Variants in KIF13B observed in about 807,000 individuals in gnomAD.
KIF13B encodes the protein kinesin-like protein KIF13B.
KIF13B carries 127 observed loss-of-function variants against 222.0 expected under a neutral mutation model. The observed-to-expected ratio is 0.57, with a 90% CI of 0.50 to 0.66. KIF13B has a LOEUF of 0.66. Ranked by LOEUF, KIF13B falls within the 30% of genes least tolerant of loss-of-function variation. KIF13B has a pLI of 0.00. For missense variants in KIF13B, 2,173 were observed against 2,379.0 expected, an observed-to-expected ratio of 0.91 and a Z score of 1.80; for synonymous variants, 976 against 919.0, an observed-to-expected ratio of 1.06 and a Z score of -1.12.
At position 29,071,567 on chromosome 8, in the gene KIF13B, T is replaced by C; in HGVS notation, c.5218+53A>G. The C allele has an allele frequency of 6.7e-7, 1 of 1,484,188 alleles. No individual in the cohort carries two copies. Among genetic ancestry groups the C allele is most frequent in the Non-Finnish European group, 9.1e-7 (1 of 1,096,876 alleles). The allele number at this position is 1,484,188 out of a possible 1,614,324, so 91.9% of individuals were successfully genotyped here. A position where few individuals can be genotyped will look rare whatever the true frequency, so the allele number is the denominator to read the frequency against. On this transcript the variant is annotated intron_variant, in intron 39 of 39. Transcript: ENST00000524189. This position sits in a 1 kb window ranked among gnomAD's most constrained non-coding sequence, Gnocchi z 4.9. ...TCCCCTCCCAGGCCGGCCACGTTCC[T>C]GCTTCCCCAGACCCCCGGCACCACC... is the stretch of plus-strand genomic sequence containing the variant.
intron 36 of KIF13B, among the ~76,000 whole-genome samples, chr8:29,098,332 G>A (rs1271305654): frequency 6.6e-6 from 1 of 150,784 alleles, no homozygotes; most frequent in Non-Finnish European, 1.5e-5. Context: ...GCCGGGTGCA[G>A]TAGCTCACGC....
intron 6 of KIF13B, among the ~76,000 whole-genome samples, chr8:29,182,515 G>A (rs960130036): frequency 5.9e-5 from 9 of 152,048 alleles, no homozygotes; most frequent in South Asian, 4.2e-4. Flanking sequence ...CTAAGGGGGC[G>A]GAGGAGGGAA....
At chr8:29,084,419 CT>C (rs1475148649) in intron 37 of KIF13B, among the ~76,000 whole-genome samples, 1 of 152,094 alleles carries the variant, frequency 6.6e-6, no homozygotes, top group Non-Finnish European at 1.5e-5. Flanking sequence ...ATACAGACAC[CT>C]TTTCAATTAG....
intron 37 of KIF13B, among the ~76,000 whole-genome samples, chr8:29,090,196 C>T (rs996925869): frequency 6.6e-6 from 1 of 152,132 alleles, no homozygotes; most frequent in Non-Finnish European, 1.5e-5. Context: ...CACTGCAGGG[C>T]ACTGTGAGCC....
chr8:29,081,184 C>G (rs145331882), intron 37 of KIF13B, among the ~76,000 whole-genome samples: 1 of 152,314 alleles, frequency 6.6e-6, no homozygotes, highest in East Asian at 1.9e-4. Context: ...AAATCTCTTA[C>G]AGTCACACGT....
intron 2 of KIF13B, among the ~76,000 whole-genome samples, chr8:29,200,182 AC>A (rs1813631072): frequency 1.3e-5 from 2 of 152,290 alleles, no homozygotes; most frequent in Admixed American, 1.3e-4. Context: ...AGCTCAAATA[AC>A]CTGCAAAGGC....
rs775323342 is a variant in KIF13B at position 29,157,725 on chromosome 8, T to A, written c.1405-1869A>T. Among the ~76,000 whole-genome samples, 5 of 141,764 alleles carry A rather than the reference T, an allele frequency of 3.5e-5. No individual in the cohort carries two copies. In the Admixed American group the frequency reaches 3.7e-4, roughly 10 times the overall value. The allele number at this position is 141,764 out of a possible 152,430, so 93.0% of individuals were successfully genotyped here. A position where few individuals can be genotyped will look rare whatever the true frequency, so the allele number is the denominator to read the frequency against. ...GTCTCAATAAATAAATAAATAAATA[T>A]AAAAATGAGGCAGGAAGATTACTTG... On this transcript the variant is annotated intron_variant, in intron 13 of 39. Transcript: ENST00000524189.
In KIF13B at chr8:29,164,740, G is replaced by C. The variant is rs1380229995; in HGVS notation, c.1269+922C>G. Among the ~76,000 whole-genome samples the C allele has an allele frequency of 1.1e-4, 17 of 152,140 alleles. 1 individual carries two copies. The highest frequency in any genetic ancestry group is 1.1e-3 in the Admixed American group (17 of 15,284). On this transcript the variant is annotated intron_variant, in intron 12 of 39. Transcript: ENST00000524189. Reference sequence around the variant, plus strand: ...ATTTCTAAAACAGTTGGAAAATCATGAAACAGGAAAGCTACAGTGTAAATC... The same window carrying C: ...ATTTCTAAAACAGTTGGAAAATCATCAAACAGGAAAGCTACAGTGTAAATC...
chr8:29,190,916 G>C, intron 4 of KIF13B, 81 bp downstream of exon 4: 1 of 1,078,232 alleles, frequency 9.3e-7, no homozygotes, highest in Non-Finnish European at 1.4e-6. Flanking sequence ...TGGGGGGTTT[G>C]CCAAGCAATC....
At chr8:29,090,528 C>T (rs1439806248) in intron 37 of KIF13B, among the ~76,000 whole-genome samples, 4 of 152,028 alleles carry the variant, frequency 2.6e-5, no homozygotes, top group Admixed American at 6.6e-5. Context: ...ATTATGTTGA[C>T]GCCAAGTCTG....
Position 29,136,230 on chromosome 8 carries a change from G to A in KIF13B, c.2614-2020C>T, listed in dbSNP as rs116462615. Among the ~76,000 whole-genome samples the A allele has an allele frequency of 3.5e-3, 528 of 152,140 alleles. 5 individuals carry two copies. Among genetic ancestry groups the A allele is most frequent in the African/African-American group, 0.012 (492 of 41,500 alleles). The stretch of plus-strand genomic sequence containing the variant: ...TAAATATTTATATTATTTAAGGCAC[G>A]GCAATATGGCATTTGGGAAGATTAC... On this transcript the variant is annotated intron_variant, in intron 21 of 39. Transcript: ENST00000524189.
At chr8:29,150,836 C>T (rs949098890) in intron 14 of KIF13B, among the ~76,000 whole-genome samples, 4 of 152,246 alleles carry the variant, frequency 2.6e-5, no homozygotes, top group Middle Eastern at 3.4e-3. Flanking sequence ...TCCCTCTCCT[C>T]GGGTCTCTTT....
intron 18 of KIF13B, among the ~76,000 whole-genome samples, chr8:29,144,214 A>T (rs1464039852): frequency 6.6e-6 from 1 of 152,122 alleles, no homozygotes; most frequent in Non-Finnish European, 1.5e-5. Flanking sequence ...AAAAAAATTT[A>T]AATAATAAAA....
chr8:29,245,266 C>G (rs1240499323), intron 2 of KIF13B, 80 bp downstream of exon 2: 6 of 920,784 alleles, frequency 6.5e-6, no homozygotes, highest in Non-Finnish European at 1.0e-5. Flanking sequence ...GATATCTATT[C>G]AATGCAACTT....
At chr8:29,167,729 G>A (rs886983438) in intron 10 of KIF13B, 144 bp from the exon 11 acceptor site, 2 of 655,928 alleles carry the variant, frequency 3.0e-6, no homozygotes, top group African/African-American at 3.6e-5. Context: ...GCAGGTGTAT[G>A]GACTCGAGTC....
At chr8:29,193,826 AC>A (rs1326021763) in intron 3 of KIF13B, among the ~76,000 whole-genome samples, 5 of 152,084 alleles carry the variant, frequency 3.3e-5, no homozygotes, top group Admixed American at 6.5e-5. Context: ...TTACATTTTT[AC>A]TTTTTTTTGA....
intron 14 of KIF13B, among the ~76,000 whole-genome samples, chr8:29,154,886 T>G (rs1811449181): frequency 6.6e-6 from 1 of 152,222 alleles, no homozygotes; most frequent in Non-Finnish European, 1.5e-5. Context: ...ACTTGAAGAC[T>G]TTATGGATAA....
intron 10 of KIF13B, among the ~76,000 whole-genome samples, chr8:29,172,992 G>A (rs1336847775): frequency 6.6e-6 from 1 of 150,568 alleles, no homozygotes; most frequent in Non-Finnish European, 1.5e-5. Context: ...TCAGCTCACT[G>A]CAACCTCCGA....
intron 2 of KIF13B, among the ~76,000 whole-genome samples, chr8:29,242,765 A>G (rs1815837192): frequency 6.6e-6 from 1 of 152,336 alleles, no homozygotes; most frequent in South Asian, 2.1e-4. Context: ...TTTCGTTCTT[A>G]TCCTATGTTC....
Sources: allele counts gnomAD v4.1 joint callset (sites outside exome capture counted in the v4.1 genomes callset), GRCh38; gene constraint gnomAD v4.1.1; non-coding constraint Gnocchi (gnomAD v3.1); transcripts MANE v1.5; gene names NCBI Gene and HGNC (gene_info 2026-07-23, HGNC 2026-07-21).